XIRP2: variants seen among roughly 807,000 people sequenced by gnomAD.
XIRP2 encodes the protein xin actin-binding repeat-containing protein 2.
A neutral mutation model predicts 277.0 loss-of-function variants in XIRP2; 236 were observed. The observed-to-expected ratio is 0.85, with a 90% CI of 0.77 to 0.95. The LOEUF is 0.95. XIRP2 is among the 40% of genes least tolerant of loss of function. XIRP2 has a pLI of 0.00. For synonymous variants in XIRP2, 1,490 were observed against 1,416.5 expected, an observed-to-expected ratio of 1.05 and a Z score of -1.17; for missense variants, 4,640 against 4,157.5, an observed-to-expected ratio of 1.12 and a Z score of -3.19.
intron 3 of XIRP2, among the ~76,000 whole-genome samples, chr2:167,148,726 A>G (rs1488791410): frequency 6.6e-6 from 1 of 152,220 alleles, no homozygotes; most frequent in African/African-American, 2.4e-5. Flanking sequence ...AATATTAACC[A>G]AAAGAAAGTC....
At chr2:167,052,979 A>T (rs887850052) in intron 2 of XIRP2, among the ~76,000 whole-genome samples, 1 of 152,214 alleles carries the variant, frequency 6.6e-6, no homozygotes, top group Admixed American at 6.5e-5. Context: ...TGGCCTATGT[A>T]TTTAAACACT....
intron 2 of XIRP2, among the ~76,000 whole-genome samples, chr2:167,071,734 C>T (rs1689442237): frequency 6.6e-6 from 1 of 152,164 alleles, no homozygotes; most frequent in African/African-American, 2.4e-5. Context: ...GTATTATGGA[C>T]CCTACTTCTT....
chr2:167,044,255 A>G (rs762596577), intron 2 of XIRP2, among the ~76,000 whole-genome samples: 4 of 151,948 alleles, frequency 2.6e-5, no homozygotes, highest in Non-Finnish European at 5.9e-5. Context: ...CACAAACTAG[A>G]CATCAAAGTA....
At chr2:166,889,346 A>C (rs1324954092) in intron 1 of XIRP2, among the ~76,000 whole-genome samples, 5 of 152,220 alleles carry the variant, frequency 3.3e-5, no homozygotes, top group African/African-American at 1.2e-4. Context: ...ACACCTCCCT[A>C]AACAATTTCT....
chr2:167,078,900 A>C (rs1689654695), intron 2 of XIRP2, among the ~76,000 whole-genome samples: 1 of 151,024 alleles, frequency 6.6e-6, no homozygotes, highest in Non-Finnish European at 1.5e-5. Flanking sequence ...AATATATTGA[A>C]TAGGAGTGGT....
intron 1 of XIRP2, among the ~76,000 whole-genome samples, chr2:166,893,163 G>A (rs1368410165): frequency 6.6e-6 from 1 of 151,764 alleles, no homozygotes; most frequent in Non-Finnish European, 1.5e-5. Context: ...GAGAATATTG[G>A]AATTTGATGA....
intron 2 of XIRP2, among the ~76,000 whole-genome samples, chr2:166,935,382 A>G (rs193264075): frequency 5.5e-4 from 84 of 152,326 alleles, no homozygotes; most frequent in African/African-American, 2.0e-3. Context: ...AGAGGGATGG[A>G]TGGACTGGAA....
intron 5 of XIRP2, among the ~76,000 whole-genome samples, chr2:167,235,409 C>T (rs1329720700): frequency 6.6e-6 from 1 of 151,886 alleles, no homozygotes; most frequent in Admixed American, 6.6e-5. Context: ...ATTTTGAAAG[C>T]AGATTAAAAA....
At chr2:166,930,612 G>A (rs13406143) in intron 2 of XIRP2, among the ~76,000 whole-genome samples, 2,941 of 152,068 alleles carry the variant, frequency 0.019, 92 homozygotes, top group African/African-American at 0.066. Context: ...TGGATTGATC[G>A]GTTTTGAAAT....
At chr2:167,031,162 A>G (rs141450018) in intron 2 of XIRP2, among the ~76,000 whole-genome samples, 2 of 151,754 alleles carry the variant, frequency 1.3e-5, no homozygotes, top group East Asian at 3.9e-4. Flanking sequence ...CCAGTCTTTG[A>G]CTTTTGATTG....
chr2:166,942,613 A>G (rs1220681930), intron 2 of XIRP2, among the ~76,000 whole-genome samples: 2 of 152,230 alleles, frequency 1.3e-5, no homozygotes, highest in Admixed American at 6.5e-5. Context: ...TGTATCATTT[A>G]AAGACCATTG....
At chr2:167,134,527 A>C (rs533214404) in intron 2 of XIRP2, among the ~76,000 whole-genome samples, 5 of 152,246 alleles carry the variant, frequency 3.3e-5, no homozygotes, top group Admixed American at 3.3e-4. Flanking sequence ...AACAAAAGTG[A>C]AAAACAATTA....
intron 2 of XIRP2, among the ~76,000 whole-genome samples, chr2:167,130,426 A>C (rs1311437470): frequency 6.6e-6 from 1 of 151,954 alleles, no homozygotes; most frequent in Admixed American, 6.6e-5. Flanking sequence ...CTGAGTTCCT[A>C]GGTTTCCTCC....
chr2:167,159,869 T>A (rs940344281), intron 3 of XIRP2, among the ~76,000 whole-genome samples: 3 of 152,086 alleles, frequency 2.0e-5, no homozygotes, highest in African/African-American at 7.2e-5. Context: ...ATCTTAAATA[T>A]CCAAAGAATA....
chr2:167,109,062 C>T (rs998811008), intron 2 of XIRP2, among the ~76,000 whole-genome samples: 1 of 152,128 alleles, frequency 6.6e-6, no homozygotes, highest in African/African-American at 2.4e-5. Context: ...TGTTTTTCTA[C>T]TCCCAGTAGC....
At chr2:167,102,775 A>AT (rs1433603814) in intron 2 of XIRP2, among the ~76,000 whole-genome samples, 2 of 152,152 alleles carry the variant, frequency 1.3e-5, no homozygotes, top group African/African-American at 4.8e-5. Flanking sequence ...ATAGTGTCAT[A>AT]TTTATTCCCC....
At chr2:167,255,573 A>G (rs1455728774) in intron 10 of XIRP2, among the ~76,000 whole-genome samples, 3 of 151,826 alleles carry the variant, frequency 2.0e-5, no homozygotes, top group African/African-American at 7.2e-5. Context: ...CACTAATTTC[A>G]TTATCAAAAC....
Position 166,995,359 on chromosome 2 carries a change from T to A in XIRP2, c.408+91469T>A, listed in dbSNP as rs115954714. ...GTGACCTCTTTTCTCTAAGTGATGC[T>A]TTAAGTGGTACTTTACCACAAGTAC... is the stretch of plus-strand genomic sequence containing the variant. On this transcript the variant is annotated intron_variant, in intron 2 of 10. Transcript: ENST00000409195. Among the ~76,000 whole-genome samples, 915 of 152,314 alleles carry A rather than the reference T, an allele frequency of 6.0e-3. 13 individuals carry two copies. The highest frequency in any genetic ancestry group is 0.021 in the African/African-American group (859 of 41,568).
At chr2:166,983,678 C>T (rs1686930409) in intron 2 of XIRP2, among the ~76,000 whole-genome samples, 1 of 152,142 alleles carries the variant, frequency 6.6e-6, no homozygotes, top group African/African-American at 2.4e-5. Context: ...TGACAAGGAT[C>T]ACACTCTAAA....
Sources: gnomAD v4.1 joint callset for allele counts (sites outside exome capture counted in the v4.1 genomes callset) on GRCh38, gnomAD v4.1.1 for gene constraint, MANE v1.5 for transcripts, NCBI Gene and HGNC (gene_info 2026-07-23, HGNC 2026-07-21) for gene names.